CTNNA2: variants seen among roughly 807,000 people sequenced by gnomAD.
CTNNA2 encodes the protein catenin alpha-2.
CTNNA2 carries 42 observed loss-of-function variants against 101.0 expected under a neutral mutation model. That is an observed-to-expected ratio of 0.42 (90% CI 0.32 to 0.54). CTNNA2 has a LOEUF of 0.54. CTNNA2 is among the 20% of genes least tolerant of loss of function. CTNNA2 has a pLI of 0.14. For synonymous variants in CTNNA2, 450 were observed against 456.4 expected, an observed-to-expected ratio of 0.99 and a Z score of 0.18; for missense variants, 871 against 1,223.1, an observed-to-expected ratio of 0.71 and a Z score of 4.29.
In CTNNA2 at chr2:79,629,602, G is replaced by A. The variant is rs190169856; in HGVS notation, c.-5-21950G>A. Among the ~76,000 whole-genome samples the A allele has an allele frequency of 9.9e-5, 15 of 152,228 alleles. No homozygotes were observed. In the East Asian group the frequency reaches 1.9e-3, roughly 20 times the overall value. On this transcript the variant is annotated intron_variant, in intron 1 of 18. Transcript: ENST00000402739. ...GGTCAGACAGGTTGGGGGGTCAGAT[G>A]TTCAGACACAAGGATGCTGAGATCA...
chr2:80,586,347 T>A (rs888271914), intron 14 of CTNNA2: 1 of 152,216 alleles, frequency 6.6e-6, no homozygotes, highest in Admixed American at 6.6e-5. Flanking sequence ...GAAATGTGCA[T>A]TGCTTTTCAT....
intron 15 of CTNNA2, among the ~76,000 whole-genome samples, chr2:80,596,410 T>A (rs1696983461): frequency 1.4e-5 from 2 of 144,642 alleles, no homozygotes; most frequent in African/African-American, 5.1e-5. Context: ...CCCGGGTTCA[T>A]GCCATTCTCC....
intron 7 of CTNNA2, among the ~76,000 whole-genome samples, chr2:79,917,122 A>T (rs555098398): frequency 6.6e-6 from 1 of 151,304 alleles, no homozygotes; most frequent in South Asian, 2.1e-4. Context: ...GCCAGGCTGT[A>T]GTGGAGTGGT....
intron 9 of CTNNA2, among the ~76,000 whole-genome samples, chr2:80,433,795 T>A (rs1013832607): frequency 3.9e-5 from 6 of 152,202 alleles, no homozygotes; most frequent in Admixed American, 2.6e-4. Flanking sequence ...TTATTCTATA[T>A]GCTTGTAGAT....
chr2:79,773,402 A>G (rs150703124), intron 3 of CTNNA2, among the ~76,000 whole-genome samples: 1 of 152,318 alleles, frequency 6.6e-6, no homozygotes, highest in African/African-American at 2.4e-5. Flanking sequence ...GAGACCTGAG[A>G]CATCAATCAA....
intron 7 of CTNNA2, among the ~76,000 whole-genome samples, chr2:79,983,912 A>G (rs1220049176): frequency 6.6e-6 from 1 of 152,144 alleles, no homozygotes; most frequent in Non-Finnish European, 1.5e-5. Flanking sequence ...AATATAATCC[A>G]AATTGCACTG....
chr2:79,818,390 GCAGAC>G (rs1212353781), intron 3 of CTNNA2, among the ~76,000 whole-genome samples: 90 of 152,160 alleles, frequency 5.9e-4, no homozygotes, highest in Non-Finnish European at 9.3e-4. Flanking sequence ...GTGGCTCACT[GCAGAC>G]TCTGCATTCC....
intron 3 of CTNNA2, chr2:79,339,546 ACAATG>A (rs1677082404): frequency 6.6e-6 from 1 of 152,184 alleles, no homozygotes; most frequent in Non-Finnish European, 1.5e-5. Context: ...AATGATTTTT[ACAATG>A]TAAGTTATCA....
At chr2:79,559,161 AC>A (rs1453907644) in intron 1 of CTNNA2, among the ~76,000 whole-genome samples, 4 of 151,948 alleles carry the variant, frequency 2.6e-5, no homozygotes, top group Admixed American at 6.6e-5. Context: ...GAGAAGCTGA[AC>A]TTTCTAAAGA....
chr2:80,520,085 C>T lies in CTNNA2; in HGVS notation c.1291-24897C>T, dbSNP rs913415356. 2.0e-5 allele frequency among the ~76,000 whole-genome samples: 3 copies of T among 152,224 alleles called. No individual in the cohort carries two copies. In the South Asian group the frequency reaches 6.2e-4, roughly 32 times the overall value. ...CCTGTGTTTCCCTGATTTCCTCATC[C>T]CTCCTCCTCCAGGAATGCTGTTAAA... On this transcript the variant is annotated intron_variant, in intron 9 of 18. Transcript: ENST00000402739.
At chr2:80,422,998 A>G (rs767955889) in intron 9 of CTNNA2, among the ~76,000 whole-genome samples, 15 of 152,146 alleles carry the variant, frequency 9.9e-5, no homozygotes, top group Non-Finnish European at 2.1e-4. Context: ...ATTGTCCATA[A>G]TACATTTGTA....
At chr2:80,618,997 C>A in intron 17 of CTNNA2, 88 bp from the exon 18 acceptor site, 2 of 885,514 alleles carry the variant, frequency 2.3e-6, no homozygotes, top group Non-Finnish European at 3.2e-6. Flanking sequence ...CTCTTCCACT[C>A]CCTAATCCCT....
intron 7 of CTNNA2, among the ~76,000 whole-genome samples, chr2:79,926,217 C>G (rs1303222591): frequency 6.6e-6 from 1 of 152,056 alleles, no homozygotes; most frequent in Non-Finnish European, 1.5e-5. Context: ...CTTCATTATT[C>G]CCCAGTGACT....
chr2:80,343,132 A>T (rs1162885043), intron 7 of CTNNA2, among the ~76,000 whole-genome samples: 3 of 152,140 alleles, frequency 2.0e-5, no homozygotes, highest in African/African-American at 7.2e-5. Flanking sequence ...ATCTGCAAAG[A>T]CACTATTTTC....
chr2:79,467,798 A>G (rs1043173098), intron 4 of CTNNA2, among the ~76,000 whole-genome samples: 4 of 152,240 alleles, frequency 2.6e-5, no homozygotes, highest in African/African-American at 9.6e-5. Flanking sequence ...GTGAAGGAGA[A>G]CTAAAATCCT....
chr2:80,237,829 T>G (rs1301863548), intron 7 of CTNNA2, among the ~76,000 whole-genome samples: 1 of 152,168 alleles, frequency 6.6e-6, no homozygotes, highest in Non-Finnish European at 1.5e-5. Flanking sequence ...CTCTATATCC[T>G]GGGCAAAGTG....
At chr2:79,685,061 T>G (rs962756189) in intron 2 of CTNNA2, among the ~76,000 whole-genome samples, 11 of 152,206 alleles carry the variant, frequency 7.2e-5, no homozygotes, top group African/African-American at 2.4e-4. Context: ...TACTTTGACC[T>G]ATGGAATATT....
chr2:80,253,392 A>G (rs1002757414), intron 7 of CTNNA2, among the ~76,000 whole-genome samples: 1 of 152,198 alleles, frequency 6.6e-6, no homozygotes, highest in African/African-American at 2.4e-5. Flanking sequence ...GGGTATGTCC[A>G]GATACACAAC....
At chr2:79,484,642 TCTC>T (rs765127431) in intron 4 of CTNNA2, among the ~76,000 whole-genome samples, 6 of 152,118 alleles carry the variant, frequency 3.9e-5, no homozygotes, top group Non-Finnish European at 8.8e-5. Context: ...TGGACAGGCT[TCTC>T]CTCAGGCGTA....
Sources: gnomAD v4.1 joint callset for allele counts (sites outside exome capture counted in the v4.1 genomes callset) on GRCh38, gnomAD v4.1.1 for gene constraint, MANE v1.5 for transcripts, NCBI Gene and HGNC (gene_info 2026-07-23, HGNC 2026-07-21) for gene names.